Variants in SHROOM2 observed in about 807,000 individuals in gnomAD.
SHROOM2 encodes protein Shroom2.
SHROOM2 carries 33 observed loss-of-function variants against 75.9 expected under a neutral mutation model. The observed-to-expected ratio is 0.43, with a 90% CI of 0.33 to 0.58. The LOEUF (loss-of-function observed/expected upper bound fraction) is 0.58, where lower values mean the gene tolerates loss of function less well. Ranked by LOEUF, SHROOM2 falls within the 20% of genes least tolerant of loss-of-function variation. SHROOM2 has a pLI of 0.04. For synonymous variants in SHROOM2, 655 were observed against 663.6 expected (o/e 0.99, Z 0.20); for missense variants, 1,434 against 1,461.2 (o/e 0.98, Z 0.30).
chrX:9,821,008 G>C (rs1377623262), intron 1 of SHROOM2, among the ~76,000 whole-genome samples: 1 of 112,122 alleles, frequency 8.9e-6, no homozygotes, highest in Non-Finnish European at 1.9e-5. Flanking sequence ...TGCTGTCCTT[G>C]GTAAGCAGTG....
At chrX:9,906,795 TTAAAA>T (rs1187206365) in intron 5 of SHROOM2, among the ~76,000 whole-genome samples, 10 of 111,989 alleles carry the variant, frequency 8.9e-5, no homozygotes, top group Admixed American at 3.8e-4. Context: ...TCAAAAAAAA[TTAAAA>T]TAAATAAATA....
At chrX:9,907,514 A>G (rs1038654049) in intron 5 of SHROOM2, among the ~76,000 whole-genome samples, 1 of 111,198 alleles carries the variant, frequency 9.0e-6, no homozygotes, top group Non-Finnish European at 1.9e-5. Flanking sequence ...GACACTCTCA[A>G]GCAGCTCACC....
At chrX:9,900,435 T>A (rs1316971984) in intron 5 of SHROOM2, among the ~76,000 whole-genome samples, 1 of 112,383 alleles carries the variant, frequency 8.9e-6, no homozygotes, top group African/African-American at 3.2e-5. Flanking sequence ...GTGTTTTGCA[T>A]AAGTTTCAAA....
intron 5 of SHROOM2, among the ~76,000 whole-genome samples, chrX:9,906,840 G>GACA (rs2084394213): frequency 8.9e-6 from 1 of 112,919 alleles, no homozygotes; most frequent in African/African-American, 3.2e-5. Context: ...TTAAGCAGCT[G>GACA]TAGTTCAGAG....
chrX:9,819,755 C>A lies in SHROOM2; in HGVS notation c.165+33045C>A, dbSNP rs1026403775. Among the ~76,000 whole-genome samples, 5 of 109,657 alleles carry A rather than the reference C, an allele frequency of 4.6e-5. No individual in the cohort carries two copies. The Admixed American group carries it at 4.9e-4, about 11-fold the overall frequency. ...TGCTTCCCTGTCACCTTGCTCCTAG[C>A]AGGCATCACGTCGAGTCCACCCTGC... On this transcript the variant is annotated intron_variant, in intron 1 of 9. Transcript: ENST00000380913.
intron 1 of SHROOM2, among the ~76,000 whole-genome samples, chrX:9,792,424 A>G (rs901175029): frequency 3.7e-5 from 4 of 107,571 alleles, no homozygotes; most frequent in Non-Finnish European, 7.7e-5. Flanking sequence ...TTTTTTCCCC[A>G]GATAAGGAGC....
At chrX:9,919,577 C>G (rs766373923) in intron 5 of SHROOM2, among the ~76,000 whole-genome samples, 9 of 109,388 alleles carry the variant, frequency 8.2e-5, no homozygotes, top group Non-Finnish European at 1.7e-4. Context: ...TGATCTGCCC[C>G]CCTCAGCCTC....
chrX:9,788,099 C>T (rs1367488531), intron 1 of SHROOM2, among the ~76,000 whole-genome samples: 1 of 108,055 alleles, frequency 9.3e-6, no homozygotes, highest in Non-Finnish European at 1.9e-5. Flanking sequence ...TTTGTAGAAA[C>T]GGGGAGTTTC....
chrX:9,809,896 G>A (rs767042334), intron 1 of SHROOM2, among the ~76,000 whole-genome samples: 21 of 112,024 alleles, frequency 1.9e-4, no homozygotes, highest in Admixed American at 1.3e-3. Context: ...GGCTGGTCTC[G>A]AACTCCTGAC....
intron 1 of SHROOM2, among the ~76,000 whole-genome samples, chrX:9,826,597 C>T (rs1014026634): frequency 3.7e-5 from 4 of 109,515 alleles, no homozygotes; most frequent in Non-Finnish European, 5.7e-5. Flanking sequence ...TATGGTGAGA[C>T]CCCATCTCTA....
intron 1 of SHROOM2, among the ~76,000 whole-genome samples, chrX:9,838,820 A>G (rs773688904): frequency 4.5e-5 from 5 of 111,933 alleles, no homozygotes; most frequent in African/African-American, 1.6e-4. Flanking sequence ...GAGAGAAACC[A>G]TCCACTGGGA....
intron 1 of SHROOM2, among the ~76,000 whole-genome samples, chrX:9,810,028 G>T (rs1274868719): frequency 8.9e-6 from 1 of 112,440 alleles, no homozygotes; most frequent in Non-Finnish European, 1.9e-5. Context: ...AGAAAATAAA[G>T]ATATTTTCCT....
rs757162501 is a variant in SHROOM2, at chrX:9,913,895, C to T, written c.2891+15605C>T. Among the ~76,000 whole-genome samples, 384 of 111,767 alleles carry T rather than the reference C, an allele frequency of 3.4e-3. 2 individuals carry two copies. The highest frequency in any genetic ancestry group is 0.012 in the African/African-American group (365 of 30,815). On this transcript the variant is annotated intron_variant, in intron 5 of 9. Transcript: ENST00000380913. ...ATGGTTGGCATATTTCTTTTCATTA[C>T]GGAATAGAACCTTTGAGGTCATACT...
intron 5 of SHROOM2, among the ~76,000 whole-genome samples, chrX:9,927,038 C>A (rs1164220257): frequency 9.0e-6 from 1 of 110,837 alleles, no homozygotes; most frequent in Non-Finnish European, 1.9e-5. Flanking sequence ...GCATCCCTAT[C>A]CCATCATTGA....
chrX:9,846,078 G>A (rs1337502248), intron 1 of SHROOM2, among the ~76,000 whole-genome samples: 1 of 105,820 alleles, frequency 9.5e-6, no homozygotes, highest in Non-Finnish European at 1.9e-5. Flanking sequence ...GGTGGCAGTT[G>A]TAGTTTATTC....
rs148641753 is a variant in SHROOM2, at chrX:9,895,488, C to T, written c.1580C>T (p.Pro527Leu). 1.0e-5 allele frequency: 12 copies of T among 1,205,510 alleles called. No individual in the cohort carries two copies. In the African/African-American group the frequency reaches 1.0e-4, roughly 11 times the overall value. The change falls in exon 4 of 10, where the codon CCG becomes CTG. Residue 527 changes from proline (P) to leucine (L), a missense_variant. By Grantham distance (98) the Pro-to-Leu change is moderately conservative. Coordinates refer to ENST00000380913, the MANE Select transcript of SHROOM2 (RefSeq NM_001649.4). ...CACCTACCTCAGCCTGAGGGTCCTC[C>T]GGATGCCCGCGAGACAGGACGGTGT... The part of the protein sequence containing the change: ...RHHLPQPEGP[P>L]DARETGRCYP...
At chrX:9,882,316 GACTGC>G (rs1243520616) in intron 2 of SHROOM2, among the ~76,000 whole-genome samples, 1 of 105,840 alleles carries the variant, frequency 9.4e-6, no homozygotes, top group Non-Finnish European at 1.9e-5. Context: ...TCATATTAAT[GACTGC>G]ACACTTGAAT....
In SHROOM2 at chrX:9,895,029, A is replaced by G. The variant is rs772332680; in HGVS notation, c.1121A>G (p.His374Arg). The part of the protein sequence containing the change: ...ELTDRPWRSA[H>R]PGSLGKGSGG... ...ACCGATCGGCCTTGGAGGTCAGCAC[A>G]CCCGGGGAGCCTCGGGAAGGGATCG... The change falls in exon 4 of 10, where the codon CAC (histidine) becomes CGC (arginine). Residue 374 changes from histidine to arginine, a missense_variant. Around this residue, in one of 3 missense-constraint regions of SHROOM2, gnomAD observed 1,340 missense variants for 1,338.3 expected, o/e 1.00. Coordinates refer to ENST00000380913, the MANE Select transcript of SHROOM2 (RefSeq NM_001649.4). 3.3e-6 allele frequency: 4 copies of G among 1,206,696 alleles called. No homozygotes were observed. The East Asian group carries it at 8.9e-5, about 27-fold the overall frequency.
At chrX:9,925,339 T>C (rs1371356731) in intron 5 of SHROOM2, among the ~76,000 whole-genome samples, 1 of 112,792 alleles carries the variant, frequency 8.9e-6, no homozygotes, top group Non-Finnish European at 1.9e-5. Context: ...CTTCAGCGTG[T>C]GAACACCTGC....
Sources: allele counts gnomAD v4.1 joint callset (sites outside exome capture counted in the v4.1 genomes callset), GRCh38; gene constraint gnomAD v4.1.1; regional missense constraint gnomAD v4.1.1; transcripts MANE v1.5; gene names NCBI Gene and HGNC (gene_info 2026-07-23, HGNC 2026-07-21).